The following CAMK4 variants were observed in gnomAD, a reference collection of about 807,000 sequenced individuals.
CAMK4 encodes calcium/calmodulin-dependent protein kinase type IV.
Under a neutral mutation model 44.9 loss-of-function variants are expected in CAMK4, and 22 were observed. The observed-to-expected ratio is 0.49, with a 90% CI of 0.35 to 0.70. The LOEUF is 0.70. Ranked by LOEUF, CAMK4 falls within the 30% of genes least tolerant of loss-of-function variation. CAMK4 has a pLI of 0.01. For synonymous variants in CAMK4, 218 were observed against 215.4 expected, an observed-to-expected ratio of 1.01 and a Z score of -0.11; for missense variants, 498 against 586.8, an observed-to-expected ratio of 0.85 and a Z score of 1.56.
intron 1 of CAMK4, among the ~76,000 whole-genome samples, chr5:111,251,467 A>G (rs1749489498): frequency 6.6e-6 from 1 of 152,240 alleles, no homozygotes; most frequent in Non-Finnish European, 1.5e-5. Context: ...GTCAGAGAAG[A>G]GAACTTCCTA....
intron 1 of CAMK4, among the ~76,000 whole-genome samples, chr5:111,281,077 G>A (rs1202857836): frequency 6.6e-6 from 1 of 152,202 alleles, no homozygotes; most frequent in African/African-American, 2.4e-5. Context: ...AAATCAAGTT[G>A]TGGAAAGTTC....
chr5:111,324,813 A>C (rs1045369737), intron 1 of CAMK4, among the ~76,000 whole-genome samples: 6 of 151,966 alleles, frequency 3.9e-5, no homozygotes, highest in African/African-American at 9.7e-5. Flanking sequence ...CATCTCTAAA[A>C]ATTTCAAACT....
chr5:111,256,967 G>A (rs771091787), intron 1 of CAMK4, among the ~76,000 whole-genome samples: 9 of 152,080 alleles, frequency 5.9e-5, no homozygotes, highest in Admixed American at 1.3e-4. Context: ...ATTGAAACTG[G>A]ATCTTTTCTT....
At chr5:111,452,928 G>A (rs755115444) in intron 7 of CAMK4, among the ~76,000 whole-genome samples, 3 of 152,166 alleles carry the variant, frequency 2.0e-5, no homozygotes, top group Non-Finnish European at 4.4e-5. Flanking sequence ...ACTTACCTTA[G>A]TGAACTATTT....
chr5:111,455,458 T>C (rs151067557), intron 7 of CAMK4, among the ~76,000 whole-genome samples: 127 of 152,310 alleles, frequency 8.3e-4, no homozygotes, highest in African/African-American at 3.0e-3. Flanking sequence ...CTTCAGCTAT[T>C]GAATGTGAAG....
chr5:111,331,224 A>C (rs2112721598), intron 1 of CAMK4, among the ~76,000 whole-genome samples: 1 of 151,292 alleles, frequency 6.6e-6, no homozygotes, highest in Non-Finnish European at 1.5e-5. Flanking sequence ...TTGTGTCTGG[A>C]ATTTTAAAAA....
intron 5 of CAMK4, among the ~76,000 whole-genome samples, chr5:111,412,773 C>T (rs962520962): frequency 2.0e-5 from 3 of 152,174 alleles, no homozygotes; most frequent in Non-Finnish European, 4.4e-5. Flanking sequence ...ACCAGTGTGT[C>T]ATCTTAGTTT....
intron 1 of CAMK4, among the ~76,000 whole-genome samples, chr5:111,338,094 T>A (rs1409830310): frequency 1.3e-5 from 2 of 151,188 alleles, no homozygotes; most frequent in East Asian, 3.9e-4. Context: ...GTGAAGTATA[T>A]GGTCAAATCA....
At chr5:111,392,953 A>C (rs1404277926) in intron 4 of CAMK4, among the ~76,000 whole-genome samples, 1 of 152,192 alleles carries the variant, frequency 6.6e-6, no homozygotes, top group Non-Finnish European at 1.5e-5. Flanking sequence ...GAAACGTATC[A>C]AATATGGTTA....
At chr5:111,333,111 A>C (rs558114752) in intron 1 of CAMK4, among the ~76,000 whole-genome samples, 1 of 151,806 alleles carries the variant, frequency 6.6e-6, no homozygotes, top group East Asian at 2.0e-4. Context: ...TATATTGCTT[A>C]TTAATATTAA....
At chr5:111,301,395 T>C (rs1217191713) in intron 1 of CAMK4, among the ~76,000 whole-genome samples, 1 of 152,220 alleles carries the variant, frequency 6.6e-6, no homozygotes, top group Admixed American at 6.5e-5. Context: ...TGGTGATAAC[T>C]GCTGACTTGC....
chr5:111,479,077 C>T (rs777648124), intron 9 of CAMK4, among the ~76,000 whole-genome samples: 7 of 152,130 alleles, frequency 4.6e-5, no homozygotes, highest in African/African-American at 7.2e-5. Flanking sequence ...TGGGGTCTTG[C>T]TATGTTGCCC....
intron 1 of CAMK4, among the ~76,000 whole-genome samples, chr5:111,258,097 C>A (rs1006345658): frequency 1.3e-5 from 2 of 152,162 alleles, no homozygotes; most frequent in African/African-American, 4.8e-5. Flanking sequence ...TGCAGCAAAC[C>A]ACCATGGTAC....
At chr5:111,292,861 G>C (rs1382604506) in intron 1 of CAMK4, among the ~76,000 whole-genome samples, 1 of 152,160 alleles carries the variant, frequency 6.6e-6, no homozygotes, top group African/African-American at 2.4e-5. Flanking sequence ...AGCCCAGGAG[G>C]TCAAGGCTGC....
intron 2 of CAMK4, among the ~76,000 whole-genome samples, chr5:111,363,544 G>T (rs1750678497): frequency 6.6e-6 from 1 of 152,030 alleles, no homozygotes; most frequent in Non-Finnish European, 1.5e-5. Context: ...TGATAACATA[G>T]CTTTTTGTGA....
At chr5:111,327,446 G>T (rs1748947992) in intron 1 of CAMK4, among the ~76,000 whole-genome samples, 1 of 152,072 alleles carries the variant, frequency 6.6e-6, no homozygotes, top group South Asian at 2.1e-4. Flanking sequence ...CTTTGCTATT[G>T]TGAATAGTGC....
At chr5:111,395,494 T>C (rs373859892) in intron 5 of CAMK4, among the ~76,000 whole-genome samples, 2 of 151,718 alleles carry the variant, frequency 1.3e-5, no homozygotes, top group African/African-American at 4.8e-5. Context: ...GAGGGTTGAA[T>C]GTGATGTAAA....
chr5:111,363,644 G>A (rs899736688), intron 2 of CAMK4, among the ~76,000 whole-genome samples: 2 of 151,960 alleles, frequency 1.3e-5, no homozygotes, highest in Non-Finnish European at 2.9e-5. Flanking sequence ...TTGATGGAGT[G>A]GCCAGGAAAG....
chr5:111,292,171 C>T lies in CAMK4; in HGVS notation c.162-51853C>T, dbSNP rs1462706240. On this transcript the variant is annotated intron_variant, in intron 1 of 10. Transcript: ENST00000282356. ...ATATTCAGTCAGTCTGACAATAGCA[C>T]CAGGACAACGTGTCCTCATAATTAT... Among the ~76,000 whole-genome samples, 3 of 152,192 alleles carry T rather than the reference C, an allele frequency of 2.0e-5. No individual in the cohort carries two copies. The East Asian group carries it at 5.8e-4, about 29-fold the overall frequency.
Sources: gnomAD v4.1 joint callset for allele counts (sites outside exome capture counted in the v4.1 genomes callset) on GRCh38, gnomAD v4.1.1 for gene constraint, MANE v1.5 for transcripts, NCBI Gene and HGNC (gene_info 2026-07-23, HGNC 2026-07-21) for gene names.